Variants in LUZP2 observed in about 807,000 individuals in gnomAD.
LUZP2 encodes the protein leucine zipper protein 2.
In LUZP2, 52 loss-of-function variants were observed where a neutral mutation model predicts 51.6. The ratio of observed to expected loss-of-function variants is 1.01; its 90% CI spans 0.81 to 1.27. LUZP2 has a LOEUF of 1.27. Among genes scored for constraint, LUZP2 ranks in the 50% most tolerant of loss-of-function variants. LUZP2 has a pLI of 0.00. For missense variants in LUZP2, 436 were observed against 395.4 expected (o/e 1.10, Z -0.87); for synonymous variants, 154 against 137.3 (o/e 1.12, Z -0.85).
intron 1 of LUZP2, among the ~76,000 whole-genome samples, chr11:24,515,979 T>C (rs1326413669): frequency 1.3e-5 from 2 of 152,174 alleles, no homozygotes; most frequent in Non-Finnish European, 2.9e-5. Context: ...AAGGAGGCCC[T>C]GATTATGCTC....
chr11:24,651,681 C>G (rs1385162408), intron 1 of LUZP2, among the ~76,000 whole-genome samples: 2 of 152,078 alleles, frequency 1.3e-5, no homozygotes, highest in East Asian at 3.8e-4. Context: ...AAACATTTTT[C>G]TATGTTTCTG....
At chr11:24,728,970 C>T (rs182125345) in intron 1 of LUZP2, among the ~76,000 whole-genome samples, 199 bp from the exon 2 acceptor site, 32 of 152,046 alleles carry the variant, frequency 2.1e-4, no homozygotes, top group Admixed American at 5.2e-4. Flanking sequence ...ATAGCTAGCC[C>T]TCACTGGGAA....
intron 4 of LUZP2, among the ~76,000 whole-genome samples, chr11:24,751,145 A>T (rs955348309): frequency 6.6e-6 from 1 of 152,190 alleles, no homozygotes; most frequent in African/African-American, 2.4e-5. Flanking sequence ...TGAGAAACTG[A>T]TGCCATTGCT....
At chr11:24,648,032 C>G (rs1484663248) in intron 1 of LUZP2, among the ~76,000 whole-genome samples, 2 of 151,896 alleles carry the variant, frequency 1.3e-5, no homozygotes, top group South Asian at 4.1e-4. Flanking sequence ...ACCTGCTGTG[C>G]TAGCCCTGTT....
chr11:24,968,486 G>A (rs1478523820), intron 7 of LUZP2, among the ~76,000 whole-genome samples: 3 of 152,106 alleles, frequency 2.0e-5, no homozygotes, highest in Non-Finnish European at 4.4e-5. Context: ...GTGGTATTAA[G>A]AGTTTATGGG....
At chr11:24,967,432 C>T (rs1855617015) in intron 7 of LUZP2, among the ~76,000 whole-genome samples, 1 of 151,812 alleles carries the variant, frequency 6.6e-6, no homozygotes. Context: ...TAACATTCTT[C>T]ATTAAATTTT....
chr11:24,910,868 C>T (rs1393295016), intron 6 of LUZP2, among the ~76,000 whole-genome samples: 5 of 152,136 alleles, frequency 3.3e-5, no homozygotes, highest in Non-Finnish European at 1.5e-5. Flanking sequence ...ACAACTTGCA[C>T]CGTGCACCTG....
intron 1 of LUZP2, among the ~76,000 whole-genome samples, chr11:24,632,616 C>T (rs1271183622): frequency 6.6e-6 from 1 of 151,942 alleles, no homozygotes; most frequent in Non-Finnish European, 1.5e-5. Context: ...CCTGTCTGCT[C>T]ATCAGGGCAA....
At position 24,563,226 on chromosome 11, in the gene LUZP2, AAG is replaced by A. The variant is rs1367733995; in HGVS notation, c.62+65923_62+65924del. Among the ~76,000 whole-genome samples, 17 of 152,338 alleles carry A rather than the reference AAG, an allele frequency of 1.1e-4. 2 individuals are homozygous for A. Among genetic ancestry groups the A allele is most frequent in the African/African-American group, 3.8e-4 (16 of 41,588 alleles). ...CATTAGGAAGTCAGAGTAGCAAGTGAAGAATGTATAGGGACCACCAAAACACA... is the reference window on the plus strand; with the variant it reads ...CATTAGGAAGTCAGAGTAGCAAGTGAAATGTATAGGGACCACCAAAACACA... On this transcript the variant is annotated intron_variant, in intron 1 of 11. Coordinates refer to ENST00000336930, the MANE Select transcript of LUZP2 (RefSeq NM_001009909.4).
At chr11:24,698,223 T>C (rs1002168729) in intron 1 of LUZP2, among the ~76,000 whole-genome samples, 23 of 152,190 alleles carry the variant, frequency 1.5e-4, no homozygotes, top group Non-Finnish European at 2.9e-4. Flanking sequence ...GTAAAACTAC[T>C]TTTGTAACTG....
chr11:25,014,103 A>T (rs1400590572), intron 9 of LUZP2, among the ~76,000 whole-genome samples: 5 of 152,096 alleles, frequency 3.3e-5, no homozygotes, highest in Non-Finnish European at 7.3e-5. Flanking sequence ...GGCTGCATAG[A>T]ATTCCATGGT....
At chr11:24,996,738 T>C (rs1385452367) in intron 9 of LUZP2, among the ~76,000 whole-genome samples, 2 of 151,950 alleles carry the variant, frequency 1.3e-5, no homozygotes, top group Non-Finnish European at 2.9e-5. Flanking sequence ...CATTTAGCAT[T>C]AGGTATATCT....
intron 1 of LUZP2, among the ~76,000 whole-genome samples, chr11:24,606,062 T>C (rs1261143820): frequency 6.6e-6 from 1 of 151,886 alleles, no homozygotes; most frequent in Non-Finnish European, 1.5e-5. Context: ...TGAATAATAC[T>C]CTACTGTGCA....
At chr11:24,982,533 CCACAAGGGAG>C (rs1268053121) in intron 8 of LUZP2, among the ~76,000 whole-genome samples, 1 of 151,612 alleles carries the variant, frequency 6.6e-6, no homozygotes, top group East Asian at 1.9e-4. Context: ...CCCACCACTC[CCACAAGGGAG>C]CTAAATGATG....
intron 5 of LUZP2, among the ~76,000 whole-genome samples, chr11:24,849,010 C>G (rs1301228091): frequency 6.6e-6 from 1 of 152,130 alleles, no homozygotes; most frequent in Non-Finnish European, 1.5e-5. Context: ...AAAGCCATCT[C>G]TCTACAAACA....
chr11:24,503,313 A>C (rs1168523807), intron 1 of LUZP2, among the ~76,000 whole-genome samples: 1 of 152,206 alleles, frequency 6.6e-6, no homozygotes, highest in South Asian at 2.1e-4. Context: ...AACTGAGTGG[A>C]TCATAGAAAA....
intron 9 of LUZP2, among the ~76,000 whole-genome samples, chr11:24,996,013 T>C (rs1182231784): frequency 1.3e-5 from 2 of 151,170 alleles, no homozygotes; most frequent in African/African-American, 4.8e-5. Context: ...CTTCTATCTA[T>C]AGGTTCTAAT....
At chr11:24,602,471 C>A (rs1328763661) in intron 1 of LUZP2, among the ~76,000 whole-genome samples, 1 of 148,784 alleles carries the variant, frequency 6.7e-6, no homozygotes, top group African/African-American at 2.5e-5. Flanking sequence ...CACATGTGAT[C>A]TTTAATAAAG....
intron 7 of LUZP2, among the ~76,000 whole-genome samples, chr11:24,966,234 A>G (rs1855578405): frequency 2.0e-5 from 3 of 151,622 alleles, no homozygotes; most frequent in African/African-American, 4.8e-5. Flanking sequence ...TAATTTATTT[A>G]CTACCTAAGT....
Sources: allele counts gnomAD v4.1 joint callset (sites outside exome capture counted in the v4.1 genomes callset), GRCh38; gene constraint gnomAD v4.1.1; transcripts MANE v1.5; gene names NCBI Gene and HGNC (gene_info 2026-07-23, HGNC 2026-07-21).